Variants in SEM1 observed in about 807,000 individuals in gnomAD.
SEM1 encodes 26S proteasome complex subunit SEM1.
SEM1 carries 3 observed loss-of-function variants against 12.7 expected under a neutral mutation model. The ratio of observed to expected loss-of-function variants is 0.24; its 90% confidence interval spans 0.11 to 0.61. SEM1 has a LOEUF of 0.61. Among genes scored for constraint, SEM1 ranks in the 20% least tolerant of loss-of-function variants. SEM1 has a pLI of 0.88. For missense variants in SEM1, 59 were observed against 81.3 expected, an observed-to-expected ratio of 0.73 and a Z score of 1.06; for synonymous variants, 30 against 27.8, an observed-to-expected ratio of 1.08 and a Z score of -0.25.
At chr7:96,660,692 G>A (rs1788974528) in intron 2 of SEM1, among the ~76,000 whole-genome samples, 1 of 151,958 alleles carries the variant, frequency 6.6e-6, no homozygotes, top group South Asian at 2.1e-4. Context: ...CCAAAGAAGA[G>A]TTGAACAACA....
At chr7:96,506,790 T>C (rs894322061) in intron 2 of SEM1, 7 of 151,990 alleles carry the variant, frequency 4.6e-5, no homozygotes, top group Admixed American at 2.0e-4. Flanking sequence ...TGATAAAAAT[T>C]CAAGAACAAT....
exon 4 of SEM1, chr7:96,483,718 C>A: frequency 9.2e-7 from 1 of 1,088,216 alleles, no homozygotes; most frequent in Non-Finnish European, 1.3e-6. Flanking sequence ...GTGACCCACC[C>A]AGCCACACAG....
exon 4 of SEM1, chr7:96,482,640 G>A (rs562780704): frequency 3.3e-5 from 5 of 152,268 alleles, no homozygotes; most frequent in South Asian, 2.1e-4. Flanking sequence ...AAGCCTTACA[G>A]AACTAAATTC....
intron 2 of SEM1, chr7:96,649,754 C>T (rs1177502330): frequency 6.6e-6 from 1 of 152,204 alleles, no homozygotes; most frequent in Non-Finnish European, 1.5e-5. Context: ...AGCCCTGCTC[C>T]CATGTTCTTC....
At chr7:96,696,232 G>A (rs892076534) in intron 1 of SEM1, 6 of 151,860 alleles carry the variant, frequency 4.0e-5, no homozygotes, top group African/African-American at 9.6e-5. Context: ...TAAAGTCCCA[G>A]GAAAAAGGAA....
chr7:96,664,892 C>T (rs945247031), intron 2 of SEM1, among the ~76,000 whole-genome samples: 6 of 152,096 alleles, frequency 3.9e-5, no homozygotes, highest in South Asian at 2.1e-4. Flanking sequence ...CACAGATACA[C>T]GAAATAAAAT....
exon 2 of SEM1, chr7:96,486,393 C>A: frequency 2.0e-6 from 3 of 1,537,010 alleles, no homozygotes; most frequent in Non-Finnish European, 1.7e-6. Flanking sequence ...CCTTGTACAG[C>A]AAACACAGCA....
chr7:96,559,211 T>G (rs1247392183), intron 2 of SEM1, among the ~76,000 whole-genome samples: 2 of 152,192 alleles, frequency 1.3e-5, no homozygotes, highest in Non-Finnish European at 2.9e-5. Context: ...TTTTTTCATA[T>G]TTTTCCCATT....
chr7:96,552,352 C>A (rs1175301109), intron 2 of SEM1, among the ~76,000 whole-genome samples: 2 of 152,142 alleles, frequency 1.3e-5, no homozygotes, highest in Admixed American at 6.5e-5. Flanking sequence ...CCCACCACCC[C>A]ACAACAGTCC....
chr7:96,619,214 G>C (rs1034424647), downstream of SEM1, among the ~76,000 whole-genome samples: 1 of 152,124 alleles, frequency 6.6e-6, no homozygotes, highest in African/African-American at 2.4e-5. Flanking sequence ...ATCTAATGTA[G>C]CAGTTGTCTG....
intron 2 of SEM1, among the ~76,000 whole-genome samples, chr7:96,521,844 A>G (rs1804283806): frequency 6.6e-6 from 1 of 152,048 alleles, no homozygotes; most frequent in Non-Finnish European, 1.5e-5. Context: ...TTCAGGCTGC[A>G]TTTTCCTGTT....
chr7:96,533,103 C>A (rs1282191993), intron 2 of SEM1, among the ~76,000 whole-genome samples: 1 of 152,076 alleles, frequency 6.6e-6, no homozygotes, highest in Non-Finnish European at 1.5e-5. Context: ...TGACTGTAAG[C>A]ACAAAACAAG....
intron 2 of SEM1, among the ~76,000 whole-genome samples, chr7:96,517,964 C>T (rs764944813): frequency 2.0e-5 from 3 of 152,086 alleles, no homozygotes; most frequent in South Asian, 2.1e-4. Flanking sequence ...TTTTAAAACA[C>T]GTAAGAACGT....
chr7:96,660,311 A>G (rs550968595), intron 2 of SEM1, among the ~76,000 whole-genome samples: 14 of 152,282 alleles, frequency 9.2e-5, no homozygotes, highest in Non-Finnish European at 1.9e-4. Context: ...TCAAAAGTTG[A>G]TAGAACTACA....
chr7:96,628,637 A>C (rs1049998623), intron 2 of SEM1, among the ~76,000 whole-genome samples: 3 of 152,104 alleles, frequency 2.0e-5, no homozygotes, highest in Admixed American at 6.6e-5. Flanking sequence ...CAATTGTTTC[A>C]TCTTTTCATC....
At chr7:96,699,200 T>C (rs1790196192) in intron 1 of SEM1, among the ~76,000 whole-genome samples, 1 of 152,280 alleles carries the variant, frequency 6.6e-6, no homozygotes, top group African/African-American at 2.4e-5. Flanking sequence ...ACACCCCATA[T>C]CAAACTAGTT....
At chr7:96,674,394 C>T (rs923405402) in intron 2 of SEM1, among the ~76,000 whole-genome samples, 9 of 152,054 alleles carry the variant, frequency 5.9e-5, no homozygotes, top group African/African-American at 2.2e-4. Flanking sequence ...TGGCTCACAC[C>T]TGTAATCCCA....
At chr7:96,655,357 T>C (rs996478349) in intron 2 of SEM1, among the ~76,000 whole-genome samples, 3 of 152,194 alleles carry the variant, frequency 2.0e-5, no homozygotes, top group African/African-American at 4.8e-5. Context: ...TCCACTTACA[T>C]TGATCAGCTG....
At chr7:96,595,618 A>G (rs1432657980) in intron 2 of SEM1, among the ~76,000 whole-genome samples, 1 of 152,226 alleles carries the variant, frequency 6.6e-6, no homozygotes, top group East Asian at 1.9e-4. Context: ...GTTAATTTCT[A>G]AAAGTCATGT....
Sources: gnomAD v4.1 joint callset for allele counts (sites outside exome capture counted in the v4.1 genomes callset) on GRCh38, gnomAD v4.1.1 for gene constraint, MANE v1.5 for transcripts, NCBI Gene and HGNC (gene_info 2026-07-23, HGNC 2026-07-21) for gene names.